PPFIA2: variants seen among roughly 807,000 people sequenced by gnomAD.
PPFIA2 encodes the protein liprin-alpha-2.
PPFIA2 carries 46 observed loss-of-function variants against 175.5 expected under a neutral mutation model. That is an observed-to-expected ratio of 0.26 (90% CI 0.21 to 0.34). PPFIA2 has a LOEUF of 0.34. Ranked by LOEUF, PPFIA2 falls within the 10% of genes least tolerant of loss-of-function variation. The pLI, the probability that PPFIA2 is intolerant of heterozygous loss-of-function variation, is 1.00. For synonymous variants in PPFIA2, 568 were observed against 511.4 expected, an observed-to-expected ratio of 1.11 and a Z score of -1.49; for missense variants, 1,179 against 1,506.1, an observed-to-expected ratio of 0.78 and a Z score of 3.60.
intron 16 of PPFIA2, among the ~76,000 whole-genome samples, chr12:81,354,180 A>G: frequency 6.6e-6 from 1 of 152,204 alleles, no homozygotes; most frequent in East Asian, 1.9e-4. Flanking sequence ...ATTTTTAAAC[A>G]TAAGACAACA....
chr12:81,634,682 A>G (rs1311882719), intron 4 of PPFIA2, among the ~76,000 whole-genome samples: 1 of 152,078 alleles, frequency 6.6e-6, no homozygotes, highest in Non-Finnish European at 1.5e-5. Context: ...AATTATCATA[A>G]TTAGTTTTGA....
intron 4 of PPFIA2, among the ~76,000 whole-genome samples, chr12:81,578,040 T>C (rs1236432021): frequency 6.6e-6 from 1 of 151,652 alleles, no homozygotes; most frequent in African/African-American, 2.4e-5. Context: ...ATGAAAAAAG[T>C]GTTTCATTCA....
intron 17 of PPFIA2, chr12:81,350,532 C>T (rs1354554302): frequency 1.3e-5 from 2 of 151,862 alleles, no homozygotes; most frequent in African/African-American, 2.4e-5. Context: ...AGGAATGTTC[C>T]AGAAGAAAGG....
intron 17 of PPFIA2, among the ~76,000 whole-genome samples, chr12:81,348,723 G>A (rs2059498133): frequency 1.3e-5 from 2 of 151,918 alleles, no homozygotes; most frequent in African/African-American, 4.8e-5. Flanking sequence ...GTGGCAGAGT[G>A]AGAAAAAAAA....
chr12:81,450,908 G>T (rs1217349675), intron 5 of PPFIA2, among the ~76,000 whole-genome samples: 1 of 152,158 alleles, frequency 6.6e-6, no homozygotes, highest in Non-Finnish European at 1.5e-5. Context: ...ACATTGCTAA[G>T]TAGGAATTCT....
chr12:81,610,502 C>T (rs1034113883), intron 4 of PPFIA2, among the ~76,000 whole-genome samples: 2 of 152,136 alleles, frequency 1.3e-5, no homozygotes, highest in East Asian at 1.9e-4. Flanking sequence ...ATTCTTTCCT[C>T]AGCTTGGTCT....
At chr12:81,647,696 G>T (rs2066348627) in intron 4 of PPFIA2, among the ~76,000 whole-genome samples, 1 of 150,042 alleles carries the variant, frequency 6.7e-6, no homozygotes, top group African/African-American at 2.5e-5. Context: ...GGGTGGTGGA[G>T]CTTGCAGTGA....
chr12:81,563,149 T>C (rs1170337736), intron 4 of PPFIA2, among the ~76,000 whole-genome samples: 1 of 152,140 alleles, frequency 6.6e-6, no homozygotes, highest in Non-Finnish European at 1.5e-5. Context: ...TCACTACATA[T>C]TCCTGCCCAA....
intron 4 of PPFIA2, among the ~76,000 whole-genome samples, chr12:81,672,027 T>G (rs1596266443): frequency 6.6e-6 from 1 of 151,958 alleles, no homozygotes; most frequent in Non-Finnish European, 1.5e-5. Flanking sequence ...GATTCTGAAA[T>G]GAGTAACTGT....
chr12:81,445,020 C>G (rs1478551370), intron 6 of PPFIA2, among the ~76,000 whole-genome samples: 1 of 151,888 alleles, frequency 6.6e-6, no homozygotes, highest in Admixed American at 6.6e-5. Context: ...TCTACTAATA[C>G]TTTGTGATGT....
chr12:81,367,680 C>G (rs1241975947), intron 13 of PPFIA2, among the ~76,000 whole-genome samples: 1 of 151,492 alleles, frequency 6.6e-6, no homozygotes, highest in African/African-American at 2.4e-5. Flanking sequence ...ATAACAAACT[C>G]TAGCTATTCA....
At chr12:81,755,616 T>G (rs912041311) in intron 2 of PPFIA2, among the ~76,000 whole-genome samples, 12 of 152,154 alleles carry the variant, frequency 7.9e-5, no homozygotes, top group Middle Eastern at 3.2e-3. Flanking sequence ...CTGTGAATGA[T>G]CTGGTCAGGG....
At chr12:81,335,153 G>T (rs1389594156) in intron 21 of PPFIA2, among the ~76,000 whole-genome samples, 4 of 152,224 alleles carry the variant, frequency 2.6e-5, no homozygotes, top group Middle Eastern at 3.4e-3. Context: ...GCAGGGTAAA[G>T]ATAAGTCAAT....
chr12:81,566,705 T>C (rs1224629594), intron 4 of PPFIA2, among the ~76,000 whole-genome samples: 2 of 152,184 alleles, frequency 1.3e-5, no homozygotes, highest in Non-Finnish European at 2.9e-5. Flanking sequence ...TAGGGGGATA[T>C]ACACTCATTG....
chr12:81,737,099 T>A (rs1015307610), intron 3 of PPFIA2, among the ~76,000 whole-genome samples: 1 of 151,814 alleles, frequency 6.6e-6, no homozygotes. Context: ...TTTAATTCAC[T>A]TTTGAAGTGA....
Position 81,420,208 on chromosome 12 carries a change from A to G in PPFIA2, c.646-14305T>C. Among the ~76,000 whole-genome samples, 2 of 152,160 alleles carry G rather than the reference A, an allele frequency of 1.3e-5. 1 individual carries two copies. Among genetic ancestry groups the G allele is most frequent in the East Asian group, 3.9e-4 (2 of 5,184 alleles). On this transcript the variant is annotated intron_variant, in intron 7 of 32. Transcript: ENST00000549396. ...GGTCTTTCCTTACTGAAGCCAGTAC[A>G]TAAAGTTTAAAGAGGTGACAACTCC...
chr12:81,661,038 C>A (rs2068750265), intron 4 of PPFIA2, among the ~76,000 whole-genome samples: 3 of 152,174 alleles, frequency 2.0e-5, no homozygotes, highest in African/African-American at 7.2e-5. Context: ...AAAAGAGCTC[C>A]TGAAGGAAGC....
At chr12:81,639,256 A>T (rs2064592747) in intron 4 of PPFIA2, among the ~76,000 whole-genome samples, 1 of 152,126 alleles carries the variant, frequency 6.6e-6, no homozygotes. Flanking sequence ...AACTAGCATC[A>T]ATTTCCCCCT....
intron 4 of PPFIA2, among the ~76,000 whole-genome samples, chr12:81,513,961 CA>C (rs2062096218): frequency 6.6e-6 from 1 of 151,942 alleles, no homozygotes; most frequent in Admixed American, 6.6e-5. Flanking sequence ...CAAAAATGAA[CA>C]AGCAAAGAAA....
Sources: allele counts gnomAD v4.1 joint callset (sites outside exome capture counted in the v4.1 genomes callset), GRCh38; gene constraint gnomAD v4.1.1; transcripts MANE v1.5; gene names NCBI Gene and HGNC (gene_info 2026-07-23, HGNC 2026-07-21).